The following SLC66A2 variants were observed in gnomAD, a reference collection of about 807,000 sequenced individuals.
The protein encoded by SLC66A2 is PQ loop repeat containing 1.
SLC66A2 carries 23 observed loss-of-function variants against 25.5 expected under a neutral mutation model. The observed-to-expected ratio is 0.90, with a 90% CI of 0.65 to 1.28. The LOEUF is 1.28. Ranked by LOEUF, SLC66A2 falls within the 50% of genes most tolerant of loss-of-function variation. SLC66A2 has a pLI of 0.00. For synonymous variants in SLC66A2, 193 were observed against 166.5 expected, an observed-to-expected ratio of 1.16 and a Z score of -1.23; for missense variants, 396 against 373.1, an observed-to-expected ratio of 1.06 and a Z score of -0.51.
intron 4 of SLC66A2, among the ~76,000 whole-genome samples, chr18:79,929,434 C>T (rs893838930): frequency 6.6e-6 from 1 of 152,210 alleles, no homozygotes; most frequent in Non-Finnish European, 1.5e-5. Context: ...AACAAACAAG[C>T]AAACAGTAAG....
chr18:79,940,930 C>T lies in SLC66A2; in HGVS notation c.337+2399G>A, dbSNP rs1987609069. On this transcript the variant is annotated intron_variant, in intron 3 of 5. Coordinates refer to ENST00000397778, the MANE Select transcript of SLC66A2 (RefSeq NM_025078.5). This position sits in a 1 kb window ranked among gnomAD's most constrained non-coding sequence, Gnocchi z 4.1. ...GTCATGCAGCTTGGTTCTCAGTCCT[C>T]CCCGGGGGAGGGCAGGCACAGGTCA... Among the ~76,000 whole-genome samples, 1 of 152,116 alleles carries T rather than the reference C, an allele frequency of 6.6e-6. No individual in the cohort carries two copies. Among genetic ancestry groups the T allele is most frequent in the Admixed American group, 6.5e-5 (1 of 15,270 alleles).
At chr18:79,922,937 G>A (rs1228466096) in intron 4 of SLC66A2, among the ~76,000 whole-genome samples, 2 of 151,682 alleles carry the variant, frequency 1.3e-5, no homozygotes, top group Non-Finnish European at 2.9e-5. Flanking sequence ...AGTGCAGTGA[G>A]GGCAGGGGTG....
intron 5 of SLC66A2, among the ~76,000 whole-genome samples, chr18:79,914,449 T>TG (rs1348163584): frequency 1.3e-4 from 20 of 151,954 alleles, no homozygotes; most frequent in East Asian, 1.9e-4. Flanking sequence ...TGCCTCCAGA[T>TG]GGGGGGTGGT....
rs546920240 is a variant in SLC66A2 at position 79,943,521 on chromosome 18, G to A, written c.204-59C>T. 110 of 1,579,982 alleles carry A rather than the reference G, an allele frequency of 7.0e-5. 1 individual carries two copies. The highest frequency in any genetic ancestry group is 3.3e-4 in the Admixed American group (19 of 57,752). On this transcript the variant is annotated intron_variant, in intron 2 of 5. Transcript: ENST00000397778. ...CACCCATGCCACTTCTCCCAGTCCC[G>A]AACCTGCAGCGGGAGAGACCCGGGT...
chr18:79,924,384 C>T (rs567695381), intron 4 of SLC66A2, among the ~76,000 whole-genome samples: 2 of 152,124 alleles, frequency 1.3e-5, no homozygotes, highest in Non-Finnish European at 2.9e-5. Flanking sequence ...CACAGGCGAG[C>T]GCACAGACAG....
At chr18:79,928,975 A>AG (rs1352431376) in intron 4 of SLC66A2, among the ~76,000 whole-genome samples, 1 of 152,158 alleles carries the variant, frequency 6.6e-6, no homozygotes, top group Non-Finnish European at 1.5e-5. Flanking sequence ...AGAGGACCAG[A>AG]GGTTCTGTCC....
In SLC66A2 at chr18:79,919,290, C is replaced by G. The variant is rs114579767; in HGVS notation, c.502G>C (p.Ala168Pro). The change falls in exon 5 of 6, where the codon GCC (alanine) becomes CCC (proline). Residue 168 changes from alanine to proline, a missense_variant. By Grantham distance (27) the Ala-to-Pro change is conservative. Transcript: ENST00000397778. ...AAGCCCAGGGTCTCCACAAACAGGG[C>G]GGAGTCAATGGACAGGTAGGTGATG... ...GYITYLSIDS[A>P]LFVETLGFLA... 9 of 1,613,182 alleles carry G rather than the reference C, an allele frequency of 5.6e-6. No homozygotes were observed. The highest frequency in any genetic ancestry group is 7.6e-6 in the Non-Finnish European group (9 of 1,180,028).
intron 4 of SLC66A2, among the ~76,000 whole-genome samples, chr18:79,923,309 G>A (rs1006496172): frequency 1.3e-5 from 2 of 149,176 alleles, no homozygotes; most frequent in African/African-American, 4.9e-5. Flanking sequence ...TGGTGGATGG[G>A]TGGATGGTGG....
At chr18:79,912,394 A>G (rs1434498882) in intron 5 of SLC66A2, among the ~76,000 whole-genome samples, 1 of 152,160 alleles carries the variant, frequency 6.6e-6, no homozygotes, top group East Asian at 1.9e-4. Flanking sequence ...TGGAAGGAAC[A>G]TTTTTCAACC....
intron 5 of SLC66A2, among the ~76,000 whole-genome samples, chr18:79,908,571 GT>G (rs1982474023): frequency 6.6e-6 from 1 of 152,118 alleles, no homozygotes; most frequent in African/African-American, 2.4e-5. Flanking sequence ...AATTTTGGGT[GT>G]TTTCAGCCCT....
Position 79,943,310 on chromosome 18 carries a change from CG to C in SLC66A2, c.337+18del. The stretch of plus-strand genomic sequence containing the variant: ...GCCCTGATTCCCTGCGACTTTATTC[CG>C]AAGCGCCGGCCACCAACCTGTAAAG... On this transcript the variant is annotated intron_variant, in intron 3 of 5. Transcript: ENST00000397778. 1.2e-6 allele frequency: 2 copies of C among 1,612,038 alleles called. No individual in the cohort carries two copies. Among genetic ancestry groups the C allele is most frequent in the Admixed American group, 1.7e-5 (1 of 59,774 alleles).
rs34546559 is a variant in SLC66A2 at position 79,941,908 on chromosome 18, T to A, written c.337+1421A>T. 0.17 allele frequency among the ~76,000 whole-genome samples: 26,177 copies of A among 151,074 alleles called. 2,416 individuals carry two copies. Among genetic ancestry groups the A allele is most frequent in the African/African-American group, 0.23 (9,486 of 41,094 alleles). ...TCCAGAGCCCGAGGACAGCAGAAAC[T>A]CCCAGCAACGCACTGGGCATCTTAG... On this transcript the variant is annotated intron_variant, in intron 3 of 5. Transcript: ENST00000397778. The surrounding 1 kb of genome is among the most constrained non-coding windows in gnomAD (Gnocchi z 4.1).
intron 5 of SLC66A2, among the ~76,000 whole-genome samples, chr18:79,913,902 G>A (rs975185274): frequency 7.9e-5 from 12 of 152,096 alleles, no homozygotes; most frequent in African/African-American, 2.7e-4. Context: ...GTCACCATTC[G>A]CCACCAAAGT....
intron 4 of SLC66A2, among the ~76,000 whole-genome samples, chr18:79,923,126 G>A (rs55665617): frequency 0.47 from 70,247 of 150,026 alleles, 18,115 homozygotes; most frequent in Admixed American, 0.58. Flanking sequence ...AGAACACAGC[G>A]GGGCGTGGGC....
At position 79,943,516 on chromosome 18, in the gene SLC66A2, G is replaced by C. The variant is rs1323575266; in HGVS notation, c.204-54C>G. The C allele has an allele frequency of 3.2e-6, 5 of 1,585,368 alleles. No homozygotes were observed. In the African/African-American group the frequency reaches 6.7e-5, roughly 21 times the overall value. ...AGGTCCACCCATGCCACTTCTCCCAGTCCCGAACCTGCAGCGGGAGAGACC... is the reference window on the plus strand; with the variant it reads ...AGGTCCACCCATGCCACTTCTCCCACTCCCGAACCTGCAGCGGGAGAGACC... On this transcript the variant is annotated intron_variant, in intron 2 of 5. Coordinates refer to ENST00000397778, the MANE Select transcript of SLC66A2 (RefSeq NM_025078.5).
rs1195185490 is a variant in SLC66A2, at chr18:79,937,557, C to T, written c.338-3535G>A. Among the ~76,000 whole-genome samples, 1 of 152,136 alleles carries T rather than the reference C, an allele frequency of 6.6e-6. No individual in the cohort carries two copies. Among genetic ancestry groups the T allele is most frequent in the African/African-American group, 2.4e-5 (1 of 41,428 alleles). On this transcript the variant is annotated intron_variant, in intron 3 of 5. Transcript: ENST00000397778. This position sits in a 1 kb window ranked among gnomAD's most constrained non-coding sequence, Gnocchi z 5.4. ...CTGAACAATGGGTACCCGCCCATTT[C>T]TCTGCAGAGGGGCTCCAGCTAACAG...
intron 3 of SLC66A2, among the ~76,000 whole-genome samples, chr18:79,934,544 T>A (rs1186006429): frequency 6.6e-6 from 1 of 152,182 alleles, no homozygotes; most frequent in African/African-American, 2.4e-5. Flanking sequence ...CAAGCACCTC[T>A]GCACAGACAC....
rs532524365 is a variant in SLC66A2 at position 79,903,654 on chromosome 18, G to A, written c.*322C>T. 2 of 365,930 alleles carry A rather than the reference G, an allele frequency of 5.5e-6. No individual in the cohort carries two copies. The highest frequency in any genetic ancestry group is 4.3e-5 in the African/African-American group (2 of 46,104). 22.7% of individuals were successfully genotyped at this position (365,930 alleles called of 1,614,324 possible). Reference sequence around the variant, plus strand: ...TGTCCACCTGGAGCAGGTTCCTGCAGGCCGCCCAATGTGTACCTTGGGCTC... The same window carrying A: ...TGTCCACCTGGAGCAGGTTCCTGCAAGCCGCCCAATGTGTACCTTGGGCTC... On this transcript the variant is annotated 3_prime_UTR_variant, in exon 6 of 6. Coordinates refer to ENST00000397778, the MANE Select transcript of SLC66A2 (RefSeq NM_025078.5).
chr18:79,907,353 G>GTTTT (rs35589700), intron 5 of SLC66A2, among the ~76,000 whole-genome samples: 3 of 85,404 alleles, frequency 3.5e-5, no homozygotes, highest in African/African-American at 4.4e-5. Flanking sequence ...TTTTTTGGTT[G>GTTTT]TTTTTTTTTT....
Sources: gnomAD v4.1 joint callset for allele counts (sites outside exome capture counted in the v4.1 genomes callset) on GRCh38, gnomAD v4.1.1 for gene constraint, Gnocchi (gnomAD v3.1) non-coding constraint, MANE v1.5 for transcripts, NCBI Gene and HGNC (gene_info 2026-07-23, HGNC 2026-07-21) for gene names.